The following KLHL1 variants were observed in gnomAD, a reference collection of about 807,000 sequenced individuals.
KLHL1 encodes the protein kelch like family member 1.
In KLHL1, 47 loss-of-function variants were observed where a neutral mutation model predicts 77.7. The ratio of observed to expected loss-of-function variants is 0.60; its 90% CI spans 0.48 to 0.77. The LOEUF is 0.77. Ranked by LOEUF, KLHL1 falls within the 30% of genes least tolerant of loss-of-function variation. The pLI is 0.00. For missense variants in KLHL1, 925 were observed against 910.8 expected, an observed-to-expected ratio of 1.02 and a Z score of -0.20; for synonymous variants, 360 against 325.2, an observed-to-expected ratio of 1.11 and a Z score of -1.15.
chr13:69,904,212 G>A (rs1881975163), intron 4 of KLHL1, among the ~76,000 whole-genome samples: 1 of 152,122 alleles, frequency 6.6e-6, no homozygotes, highest in African/African-American at 2.4e-5. Flanking sequence ...CTGAAGCCAA[G>A]AAATATGAAA....
At chr13:69,881,802 AT>A (rs1881001388) in intron 5 of KLHL1, among the ~76,000 whole-genome samples, 1 of 152,166 alleles carries the variant, frequency 6.6e-6, no homozygotes, top group South Asian at 2.1e-4. Flanking sequence ...ACTCTCTACT[AT>A]TCAGGTATGT....
intron 2 of KLHL1, among the ~76,000 whole-genome samples, chr13:69,965,575 T>G (rs778022051): frequency 1.3e-5 from 2 of 152,092 alleles, no homozygotes; most frequent in African/African-American, 2.4e-5. Context: ...TGAATGGAAG[T>G]GTTGCATGTC....
intron 1 of KLHL1, among the ~76,000 whole-genome samples, chr13:70,087,652 A>G (rs761992181): frequency 1.4e-5 from 2 of 143,278 alleles, no homozygotes; most frequent in Non-Finnish European, 3.0e-5. Flanking sequence ...GTTTCTTTTC[A>G]GATATCCTTT....
intron 8 of KLHL1, among the ~76,000 whole-genome samples, chr13:69,732,733 A>C (rs1593781899): frequency 6.6e-6 from 1 of 151,386 alleles, no homozygotes; most frequent in African/African-American, 2.4e-5. Context: ...GCTCTGTAGC[A>C]CCAGACACAC....
chr13:69,882,440 T>G lies in KLHL1; in HGVS notation c.1070A>C (p.Glu357Ala). ...ATCACTGGCCAGTAGTTTATGGAGC[T>G]CCTCAGCTGGAAGGAGTAAAAACTC... ...NQEFLLLPAE[E>A]LHKLLASDDV... is the part of the protein sequence containing the mutation. Residue 357 changes from glutamate to alanine, a missense_variant, in exon 5 of 11, where the codon GAG becomes GCG. By Grantham distance (107) the Glu-to-Ala change is moderately radical (BLOSUM62 -1). Transcript: ENST00000377844. 1 of 1,613,950 alleles carries G rather than the reference T, an allele frequency of 6.2e-7. No individual in the cohort carries two copies. Among genetic ancestry groups the G allele is most frequent in the Non-Finnish European group, 8.5e-7 (1 of 1,179,842 alleles).
chr13:70,031,625 G>A (rs538772552), intron 1 of KLHL1, among the ~76,000 whole-genome samples: 38 of 152,246 alleles, frequency 2.5e-4, no homozygotes, highest in Non-Finnish European at 3.8e-4. Context: ...TTATAAATCT[G>A]TGTTGAGGTA....
At chr13:69,941,373 G>A (rs1883361798) in intron 3 of KLHL1, among the ~76,000 whole-genome samples, 1 of 151,982 alleles carries the variant, frequency 6.6e-6, no homozygotes, top group Admixed American at 6.6e-5. Context: ...TGAAATCAAG[G>A]TGGAAATTAA....
intron 1 of KLHL1, among the ~76,000 whole-genome samples, chr13:70,041,522 G>T (rs1272745121): frequency 6.6e-6 from 1 of 152,128 alleles, no homozygotes; most frequent in Non-Finnish European, 1.5e-5. Context: ...GGGTAAAGTG[G>T]GAGTTCAGGC....
chr13:69,919,357 T>C (rs944473241), intron 4 of KLHL1, among the ~76,000 whole-genome samples: 3 of 152,164 alleles, frequency 2.0e-5, no homozygotes, highest in Non-Finnish European at 2.9e-5. Flanking sequence ...GGGACTGATA[T>C]GTATTAGGAC....
chr13:69,993,211 A>G (rs991116983), intron 1 of KLHL1, among the ~76,000 whole-genome samples: 2 of 152,110 alleles, frequency 1.3e-5, no homozygotes, highest in African/African-American at 2.4e-5. Flanking sequence ...GGGTTTATCA[A>G]GGGGAACTTA....
At chr13:69,806,628 A>T (rs926325591) in intron 6 of KLHL1, among the ~76,000 whole-genome samples, 1 of 144,856 alleles carries the variant, frequency 6.9e-6, no homozygotes, top group Non-Finnish European at 1.6e-5. Context: ...CAGAGCTCAG[A>T]AATCAGCTTT....
chr13:69,824,794 G>A (rs1878479561), intron 6 of KLHL1, among the ~76,000 whole-genome samples: 1 of 152,058 alleles, frequency 6.6e-6, no homozygotes, highest in Non-Finnish European at 1.5e-5. Flanking sequence ...GCTTTCTGGG[G>A]TAGTGGCAAT....
At chr13:69,998,628 A>G (rs529697694) in intron 1 of KLHL1, among the ~76,000 whole-genome samples, 14 of 152,178 alleles carry the variant, frequency 9.2e-5, no homozygotes, top group South Asian at 8.3e-4. Context: ...ACCTCAATCA[A>G]TAACTAGGAC....
At chr13:69,932,972 A>G (rs1344031397) in intron 4 of KLHL1, among the ~76,000 whole-genome samples, 1 of 152,008 alleles carries the variant, frequency 6.6e-6, no homozygotes, top group Non-Finnish European at 1.5e-5. Context: ...TCAGGGACAA[A>G]GAATGTTAAG....
chr13:69,755,334 C>G (rs1874661172), intron 7 of KLHL1, among the ~76,000 whole-genome samples: 1 of 151,880 alleles, frequency 6.6e-6, no homozygotes, highest in South Asian at 2.1e-4. Context: ...TGAGGCTTCA[C>G]TAAAAGGTTT....
intron 5 of KLHL1, among the ~76,000 whole-genome samples, chr13:69,866,800 A>T (rs937981559): frequency 1.3e-5 from 2 of 152,144 alleles, no homozygotes; most frequent in African/African-American, 2.4e-5. Context: ...TTCACTGACC[A>T]CATTTCAGAC....
rs78551412 is a variant in KLHL1, at chr13:70,043,976, C to T, written c.497+63227G>A. On this transcript the variant is annotated intron_variant, in intron 1 of 10. Transcript: ENST00000377844. Reference sequence around the variant, plus strand: ...GTCTTCACTGCAATTCTTACTCATGCTCACAACATTTTTGTTCCATAGCAG... The same window carrying T: ...GTCTTCACTGCAATTCTTACTCATGTTCACAACATTTTTGTTCCATAGCAG... 5.2e-3 allele frequency among the ~76,000 whole-genome samples: 796 copies of T among 152,308 alleles called. 11 individuals carry two copies. The highest frequency in any genetic ancestry group is 0.017 in the Middle Eastern group (5 of 294).
Position 69,975,831 on chromosome 13 carries a change from C to T in KLHL1, c.498-29G>A, listed in dbSNP as rs377634266. 52 of 1,522,178 alleles carry T rather than the reference C, an allele frequency of 3.4e-5. No individual in the cohort carries two copies. In the African/African-American group the frequency reaches 6.7e-4, roughly 20 times the overall value. The allele number at this position is 1,522,178 out of a possible 1,614,324, so 94.3% of individuals were successfully genotyped here. ...TAAACCACACACACACACACACACA[C>T]ACAAAATAATAAAGGGATTTATAAA... On this transcript the variant is annotated intron_variant, in intron 1 of 10. Coordinates refer to ENST00000377844, the MANE Select transcript of KLHL1 (RefSeq NM_020866.3).
At chr13:69,956,856 T>C (rs1784303703) in intron 3 of KLHL1, among the ~76,000 whole-genome samples, 1 of 151,648 alleles carries the variant, frequency 6.6e-6, no homozygotes. Flanking sequence ...AAAAAATATT[T>C]TGGTGTTTCT....
Sources: gnomAD v4.1 joint callset for allele counts (sites outside exome capture counted in the v4.1 genomes callset) on GRCh38, gnomAD v4.1.1 for gene constraint, MANE v1.5 for transcripts, NCBI Gene and HGNC (gene_info 2026-07-23, HGNC 2026-07-21) for gene names.